Variants in PNPLA1 observed in about 807,000 individuals in gnomAD.
The protein encoded by PNPLA1 is omega-hydroxyceramide transacylase.
Under a neutral mutation model 51.7 loss-of-function variants are expected in PNPLA1, and 36 were observed. That is an observed-to-expected ratio of 0.70 (90% CI 0.53 to 0.92). The LOEUF (loss-of-function observed/expected upper bound fraction) is 0.92. Among genes scored for constraint, PNPLA1 ranks in the 40% least tolerant of loss-of-function variants. The pLI, the probability that PNPLA1 is intolerant of heterozygous loss-of-function variation, is 0.00. For synonymous variants in PNPLA1, 293 were observed against 280.1 expected (o/e 1.05, Z -0.46); for missense variants, 658 against 682.5 (o/e 0.96, Z 0.40).
At chr6:36,281,129 C>T (rs1770268214) in intron 1 of PNPLA1, among the ~76,000 whole-genome samples, 2 of 152,180 alleles carry the variant, frequency 1.3e-5, no homozygotes. Flanking sequence ...CTCTTTAGCT[C>T]AGCCCACCAT....
At chr6:36,306,227 T>C in intron 6 of PNPLA1, 65 bp from the exon 7 acceptor site, 1 of 1,220,282 alleles carries the variant, frequency 8.2e-7, no homozygotes, top group East Asian at 2.4e-5. Flanking sequence ...ACTATTGCTA[T>C]TTCAAAAATG....
intron 1 of PNPLA1, among the ~76,000 whole-genome samples, chr6:36,254,661 G>A (rs1475969225): frequency 1.3e-5 from 2 of 152,254 alleles, no homozygotes; most frequent in East Asian, 3.9e-4. Flanking sequence ...CTTGCAGGCT[G>A]CTGTAGGGAT....
At chr6:36,260,260 G>C (rs940328326) in intron 1 of PNPLA1, among the ~76,000 whole-genome samples, 1 of 151,834 alleles carries the variant, frequency 6.6e-6, no homozygotes, top group African/African-American at 2.4e-5. Flanking sequence ...CTGCACTCCA[G>C]CCTGGGTGAC....
intron 5 of PNPLA1, among the ~76,000 whole-genome samples, chr6:36,299,949 A>G (rs1218891208): frequency 6.6e-6 from 1 of 152,160 alleles, no homozygotes; most frequent in Non-Finnish European, 1.5e-5. Flanking sequence ...TACATATATA[A>G]CACGGTATTC....
chr6:36,306,140 G>A (rs935820905), intron 6 of PNPLA1, 152 bp from the exon 7 acceptor site: 14 of 621,916 alleles, frequency 2.3e-5, no homozygotes, highest in South Asian at 1.2e-4. Context: ...CAAGTCCCAC[G>A]ACATGACTCT....
At chr6:36,255,656 C>T (rs1187477982) in intron 1 of PNPLA1, among the ~76,000 whole-genome samples, 1 of 151,480 alleles carries the variant, frequency 6.6e-6, no homozygotes, top group African/African-American at 2.4e-5. Context: ...CACTGCACTC[C>T]AGCCTGAGCA....
chr6:36,273,991 C>T (rs979735534), intron 1 of PNPLA1, among the ~76,000 whole-genome samples: 2 of 152,066 alleles, frequency 1.3e-5, no homozygotes, highest in African/African-American at 4.8e-5. Context: ...TCACGCTGTC[C>T]GCTCAGCAGC....
At chr6:36,303,326 T>C (rs1327285926) in intron 6 of PNPLA1, among the ~76,000 whole-genome samples, 4 of 152,136 alleles carry the variant, frequency 2.6e-5, no homozygotes, top group East Asian at 1.9e-4. Flanking sequence ...ATCTCCTGAC[T>C]TTGTGATCTG....
intron 7 of PNPLA1, 91 bp downstream of exon 7, chr6:36,306,467 AG>A: frequency 8.6e-7 from 1 of 1,158,182 alleles, no homozygotes; most frequent in South Asian, 1.5e-5. Context: ...TAGCTGCCCC[AG>A]GAACTCTGGG....
chr6:36,250,725 T>G (rs1356108014), intron 1 of PNPLA1, among the ~76,000 whole-genome samples: 1 of 152,094 alleles, frequency 6.6e-6, no homozygotes, highest in African/African-American at 2.4e-5. Context: ...AGGCTGGGTG[T>G]GGTGGCTCAC....
At chr6:36,246,553 T>C (rs1003338156) in intron 1 of PNPLA1, among the ~76,000 whole-genome samples, 10 of 152,342 alleles carry the variant, frequency 6.6e-5, no homozygotes, top group African/African-American at 2.4e-4. Flanking sequence ...AGTTATATGA[T>C]ACTGATAACT....
At chr6:36,285,622 A>C (rs780020395) in intron 1 of PNPLA1, among the ~76,000 whole-genome samples, 1 of 152,148 alleles carries the variant, frequency 6.6e-6, no homozygotes, top group Non-Finnish European at 1.5e-5. Flanking sequence ...TCTGGAGTTC[A>C]TTCATTCATC....
At chr6:36,288,781 A>T (rs1478847327) in intron 1 of PNPLA1, among the ~76,000 whole-genome samples, 2 of 152,016 alleles carry the variant, frequency 1.3e-5, no homozygotes, top group East Asian at 1.9e-4. Context: ...TTAAAAAAAT[A>T]AAAAAATCAG....
rs987452400 is a variant in PNPLA1 at position 36,246,940 on chromosome 6, C to T, written c.-81+3679C>T. On this transcript the variant is annotated intron_variant, in intron 1 of 7. Transcript: ENST00000312917. The stretch of plus-strand genomic sequence containing the variant: ...CCCAGACTCAGGACCAGCCTCCCCG[C>T]GCTCACTGCTGTCACTGCTTTCCGC... Among the ~76,000 whole-genome samples, 40 of 152,344 alleles carry T rather than the reference C, an allele frequency of 2.6e-4. 1 individual carries two copies. Among genetic ancestry groups the T allele is most frequent in the Admixed American group, 2.5e-3 (38 of 15,308 alleles).
intron 1 of PNPLA1, among the ~76,000 whole-genome samples, chr6:36,261,835 C>T (rs1173188155): frequency 6.6e-6 from 1 of 152,172 alleles, no homozygotes; most frequent in East Asian, 1.9e-4. Flanking sequence ...CCCTAAGTGG[C>T]CATACTGTAC....
intron 1 of PNPLA1, among the ~76,000 whole-genome samples, chr6:36,262,475 A>T (rs765914575): frequency 6.6e-6 from 1 of 152,246 alleles, no homozygotes; most frequent in Non-Finnish European, 1.5e-5. Flanking sequence ...AGCGCACAGA[A>T]AATGTGACCA....
chr6:36,243,520 A>T (rs1052352138), intron 1 of PNPLA1, among the ~76,000 whole-genome samples: 1 of 152,184 alleles, frequency 6.6e-6, no homozygotes, highest in Non-Finnish European at 1.5e-5. Flanking sequence ...GGGCCCAGGA[A>T]TTGGCCCTGC....
At position 36,302,105 on chromosome 6, in the gene PNPLA1, G is replaced by A. The variant is rs1261678124; in HGVS notation, c.1020G>A (p.Glu340=). 6 of 1,614,238 alleles carry A rather than the reference G, an allele frequency of 3.7e-6. No individual in the cohort carries two copies. The South Asian group carries it at 6.6e-5, about 18-fold the overall frequency. ...QPVQTLEFTC[E]SPVSAPVSPL... is the part of the protein sequence containing the mutation. Reference sequence around the variant, plus strand: ...TGCAGACACTTGAATTCACATGCGAGTCACCTGTTTCAGCACCAGTCTCTC... The same window carrying A: ...TGCAGACACTTGAATTCACATGCGAATCACCTGTTTCAGCACCAGTCTCTC... The change falls in exon 6 of 9, where the codon GAG becomes GAA. Residue 340 remains glutamate (E), a synonymous_variant. Transcript: ENST00000636260.
chr6:36,249,689 C>T (rs1260414928), intron 1 of PNPLA1, among the ~76,000 whole-genome samples: 1 of 152,196 alleles, frequency 6.6e-6, no homozygotes, highest in East Asian at 1.9e-4. Flanking sequence ...ATCTAACTAA[C>T]GTTCTAGGAT....
Sources: allele counts gnomAD v4.1 joint callset (sites outside exome capture counted in the v4.1 genomes callset), GRCh38; gene constraint gnomAD v4.1.1; transcripts MANE v1.5; gene names NCBI Gene and HGNC (gene_info 2026-07-23, HGNC 2026-07-21).